Variants in TNRC6A observed in about 807,000 individuals in gnomAD.
The protein encoded by TNRC6A is trinucleotide repeat containing adaptor 6A.
In TNRC6A, 44 loss-of-function variants were observed where a neutral mutation model predicts 221.2. That is an observed-to-expected ratio of 0.20 (90% confidence interval 0.16 to 0.26). The LOEUF (loss-of-function observed/expected upper bound fraction) is 0.26. Ranked by LOEUF, TNRC6A falls within the 10% of genes least tolerant of loss-of-function variation. TNRC6A has a pLI of 1.00. For missense variants in TNRC6A, 2,199 were observed against 2,404.4 expected, an observed-to-expected ratio of 0.91 and a Z score of 1.79; for synonymous variants, 847 against 838.5, an observed-to-expected ratio of 1.01 and a Z score of -0.18.
At position 24,790,683 on chromosome 16, in the gene TNRC6A, C is replaced by G. The variant is rs760543735; in HGVS notation, c.2041C>G (p.Arg681Gly). The change falls in exon 6 of 25, where the codon CGC becomes GGC. Residue 681 changes from arginine to glycine, a missense_variant. By Grantham distance (125) the Arg-to-Gly change is moderately radical (BLOSUM62 -2). Coordinates refer to ENST00000395799, the MANE Select transcript of TNRC6A (RefSeq NM_014494.4). ...ESDGSTESTG[R>G]LEEKGTGESQ... is the part of the protein sequence containing the mutation. ...CGATGGTAGTACAGAAAGCACTGGA[C>G]GCCTTGAGGAAAAAGGAACTGGGGA... 6.2e-7 allele frequency: 1 copy of G among 1,614,112 alleles called. No individual in the cohort carries two copies. The highest frequency in any genetic ancestry group is 8.5e-7 in the Non-Finnish European group (1 of 1,180,020).
At chr16:24,650,689 A>G (rs1012139851) in intron 2 of TNRC6A, among the ~76,000 whole-genome samples, 1 of 152,046 alleles carries the variant, frequency 6.6e-6, no homozygotes, top group Non-Finnish European at 1.5e-5. Context: ...AAAGAAAGAA[A>G]AAAAGGATTC....
chr16:24,626,364 T>C (rs1368772034), intron 1 of TNRC6A, among the ~76,000 whole-genome samples: 3 of 152,142 alleles, frequency 2.0e-5, no homozygotes, highest in Middle Eastern at 3.2e-3. Context: ...CATTTTTACA[T>C]TGAGAAATGA....
intron 1 of TNRC6A, among the ~76,000 whole-genome samples, chr16:24,635,581 C>A (rs13331755): frequency 6.6e-6 from 1 of 151,986 alleles, no homozygotes; most frequent in African/African-American, 2.4e-5. Context: ...CCACACCTGG[C>A]CAGATTCTGC....
At position 24,648,598 on chromosome 16, in the gene TNRC6A, C is replaced by T. The variant is rs548140847; in HGVS notation, n.402+7589C>T. The stretch of plus-strand genomic sequence containing the variant: ...AGCAACCATTTTACAGTCCCACCAG[C>T]AAGGCACAAGGGTGGAAGTTTTCTA... On this transcript the variant is annotated intron_variant and non_coding_transcript_variant, in intron 2 of 2. Coordinates refer to the TNRC6A transcript ENST00000566108. Among the ~76,000 whole-genome samples, 8 of 152,250 alleles carry T rather than the reference C, an allele frequency of 5.3e-5. No individual in the cohort carries two copies. In the East Asian group the frequency reaches 1.5e-3, roughly 29 times the overall value.
At chr16:24,730,474 A>G (rs1295279665) in intron 2 of TNRC6A, among the ~76,000 whole-genome samples, 174 bp downstream of exon 2, 4 of 150,502 alleles carry the variant, frequency 2.7e-5, no homozygotes, top group Non-Finnish European at 5.9e-5. Flanking sequence ...GAGATGCGTA[A>G]TTACGCGTGT....
chr16:24,802,513 C>T (rs138593687), intron 11 of TNRC6A, among the ~76,000 whole-genome samples: 97 of 152,292 alleles, frequency 6.4e-4, no homozygotes, highest in African/African-American at 2.3e-3. Context: ...TGTGCCACTA[C>T]GCTCCAGCCT....
chr16:24,714,880 T>G (rs1380628719), intron 2 of TNRC6A, among the ~76,000 whole-genome samples: 4 of 115,882 alleles, frequency 3.5e-5, no homozygotes, highest in Admixed American at 1.8e-4. Flanking sequence ...AGTTTTTTTG[T>G]TTTTTTTTTT....
In TNRC6A at chr16:24,776,992, A is replaced by G; in HGVS notation, c.223A>G (p.Thr75Ala). The stretch of plus-strand genomic sequence containing the variant: ...TCAGCCTGCCAACTCTAATAACGGC[A>G]CTTCCACAGCAACCAGCACTAATAA... ...QPQPANSNNG[T>A]STATSTNNNA... The change falls in exon 5 of 25, where the codon ACT becomes GCT. Residue 75 changes from threonine (T) to alanine (A), a missense_variant. Around this residue, in one of 8 missense-constraint regions of TNRC6A, gnomAD observed 1,405 missense variants for 1,400.2 expected, o/e 1.00. Coordinates refer to ENST00000395799, the MANE Select transcript of TNRC6A (RefSeq NM_014494.4). 6.2e-7 allele frequency: 1 copy of G among 1,614,172 alleles called. No individual in the cohort carries two copies. The highest frequency in any genetic ancestry group is 1.1e-5 in the South Asian group (1 of 91,084).
rs746822597 is a variant in TNRC6A, at chr16:24,793,587, C to G, written c.3290C>G (p.Ala1097Gly). Reference sequence around the variant, plus strand: ...CCCAGCTGGGGGGAACCCATTGCTGCGGCATCCAGCACATCCACGTGGGGC... The same window carrying G: ...CCCAGCTGGGGGGAACCCATTGCTGGGGCATCCAGCACATCCACGTGGGGC... ...SGPSWGEPIAAASSTSTWGSS... is the reference protein window; with the variant it reads ...SGPSWGEPIAGASSTSTWGSS... The change falls in exon 7 of 25, where the codon GCG becomes GGG. Residue 1097 changes from alanine (A) to glycine (G), a missense_variant. Coordinates refer to ENST00000395799, the MANE Select transcript of TNRC6A (RefSeq NM_014494.4). The G allele has an allele frequency of 6.4e-7, 1 of 1,563,074 alleles. No homozygotes were observed. Among genetic ancestry groups the G allele is most frequent in the Non-Finnish European group, 8.7e-7 (1 of 1,153,430 alleles).
intron 1 of TNRC6A, among the ~76,000 whole-genome samples, chr16:24,623,326 G>A (rs1021973253): frequency 1.3e-5 from 2 of 152,056 alleles, no homozygotes; most frequent in African/African-American, 4.8e-5. Flanking sequence ...AGCCTGCCGA[G>A]TAGCTGGGAC....
rs990504159 is a variant in TNRC6A, at chr16:24,809,274, G to A, written c.4541-76G>A. 2.3e-6 allele frequency: 3 copies of A among 1,306,376 alleles called. No individual in the cohort carries two copies. In the African/African-American group the frequency reaches 4.5e-5, roughly 19 times the overall value. 80.9% of individuals were successfully genotyped at this position (1,306,376 alleles called of 1,614,324 possible). On this transcript the variant is annotated intron_variant, in intron 17 of 24. Coordinates refer to ENST00000395799, the MANE Select transcript of TNRC6A (RefSeq NM_014494.4). ...AAAACATTAGTTACATGTTTTTCTA[G>A]GAAATAGAAGTTGTGCTACTAGAAA... is the stretch of plus-strand genomic sequence containing the variant.
At chr16:24,795,749 A>G (rs911867603) in intron 8 of TNRC6A, 158 bp from the exon 9 acceptor site, 7 of 592,202 alleles carry the variant, frequency 1.2e-5, no homozygotes, top group Non-Finnish European at 2.1e-5. Flanking sequence ...CTAAGATAGG[A>G]CACTGATGAA....
intron 18 of TNRC6A, among the ~76,000 whole-genome samples, chr16:24,812,313 A>G (rs746316085): frequency 2.0e-5 from 3 of 151,976 alleles, no homozygotes; most frequent in Non-Finnish European, 2.9e-5. Context: ...CAGCCTGCCA[A>G]AGTGCTGAGA....
At chr16:24,709,796 G>C (rs1596528974) in intron 2 of TNRC6A, among the ~76,000 whole-genome samples, 1 of 142,704 alleles carries the variant, frequency 7.0e-6, no homozygotes, top group Admixed American at 7.5e-5. Flanking sequence ...TTGCGTGCCA[G>C]CCTGGGCAAC....
At chr16:24,642,643 C>A (rs1265186501) in intron 2 of TNRC6A, among the ~76,000 whole-genome samples, 1 of 151,910 alleles carries the variant, frequency 6.6e-6, no homozygotes, top group Non-Finnish European at 1.5e-5. Context: ...CATGGCGAAA[C>A]CCAGTCTCTA....
At position 24,777,004 on chromosome 16, in the gene TNRC6A, A is replaced by G. The variant is rs775160682; in HGVS notation, c.235A>G (p.Thr79Ala). ...CTCTAATAACGGCACTTCCACAGCAACCAGCACTAATAATAATGCCAAGCG... is the reference window on the plus strand; with the variant it reads ...CTCTAATAACGGCACTTCCACAGCAGCCAGCACTAATAATAATGCCAAGCG... The part of the protein sequence containing the change: ...ANSNNGTSTA[T>A]STNNNAKRAT... The change falls in exon 5 of 25, where the codon ACC becomes GCC. Residue 79 changes from threonine (T) to alanine (A), a missense_variant. By Grantham distance (58) the Thr-to-Ala change is moderately conservative. This residue lies in a region of TNRC6A where 1,405 missense variants were observed against 1,400.2 expected (regional missense o/e 1.00). Coordinates refer to ENST00000395799, the MANE Select transcript of TNRC6A (RefSeq NM_014494.4). The G allele has an allele frequency of 3.1e-6, 5 of 1,614,002 alleles. No homozygotes were observed. Among genetic ancestry groups the G allele is most frequent in the Admixed American group, 1.7e-5 (1 of 59,986 alleles).
chr16:24,653,487 T>C (rs1902776280), intron 2 of TNRC6A, among the ~76,000 whole-genome samples: 1 of 152,122 alleles, frequency 6.6e-6, no homozygotes, highest in Admixed American at 6.6e-5. Flanking sequence ...AAAATACTTC[T>C]ATTAACTGCC....
At chr16:24,770,629 G>A (rs2112784) in intron 4 of TNRC6A, among the ~76,000 whole-genome samples, 3,754 of 152,240 alleles carry the variant, frequency 0.025, 142 homozygotes, top group African/African-American at 0.084. Context: ...TTTCTCTCCC[G>A]TCACTCTGGC....
intron 2 of TNRC6A, chr16:24,663,647 T>C (rs1356832497): frequency 3.8e-6 from 1 of 261,316 alleles, no homozygotes; most frequent in East Asian, 9.7e-5. Context: ...CCCTCCTAGA[T>C]AGTCATATGT....
Sources: allele counts gnomAD v4.1 joint callset (sites outside exome capture counted in the v4.1 genomes callset), GRCh38; gene constraint gnomAD v4.1.1; regional missense constraint gnomAD v4.1.1; transcripts MANE v1.5; gene names NCBI Gene and HGNC (gene_info 2026-07-23, HGNC 2026-07-21).